The following RGS7 variants were observed in gnomAD, a reference collection of about 807,000 sequenced individuals.
RGS7 encodes the protein regulator of G protein signaling 7, also known as regulator of G-protein signaling 7.
RGS7 carries 27 observed loss-of-function variants against 81.1 expected under a neutral mutation model. The observed-to-expected ratio is 0.33, with a 90% CI of 0.25 to 0.46. RGS7 has a LOEUF of 0.46. RGS7 is among the 20% of genes least tolerant of loss of function. The pLI is 1.00. For synonymous variants in RGS7, 208 were observed against 207.7 expected, an observed-to-expected ratio of 1.00 and a Z score of -0.01; for missense variants, 396 against 607.4, an observed-to-expected ratio of 0.65 and a Z score of 3.66.
chr1:240,993,256 A>G (rs941709963), intron 3 of RGS7, among the ~76,000 whole-genome samples: 8 of 151,744 alleles, frequency 5.3e-5, no homozygotes, highest in Admixed American at 5.2e-4. Flanking sequence ...GAGGAAAGAA[A>G]GAAAGAAAGA....
At chr1:241,342,180 A>G (rs1276231427) in intron 2 of RGS7, among the ~76,000 whole-genome samples, 1 of 151,866 alleles carries the variant, frequency 6.6e-6, no homozygotes, top group Non-Finnish European at 1.5e-5. Context: ...GGTCTCTGGT[A>G]CTCTTCAAGT....
chr1:240,905,604 A>G (rs1396220293), intron 6 of RGS7, among the ~76,000 whole-genome samples: 1 of 152,202 alleles, frequency 6.6e-6, no homozygotes, highest in Non-Finnish European at 1.5e-5. Flanking sequence ...TGATTCCAAA[A>G]CTTATATTCT....
chr1:240,933,909 T>C (rs901054014), intron 5 of RGS7, among the ~76,000 whole-genome samples: 7 of 152,052 alleles, frequency 4.6e-5, no homozygotes, highest in African/African-American at 1.7e-4. Flanking sequence ...GTCATGCCAA[T>C]GAAATAAAGA....
intron 3 of RGS7, among the ~76,000 whole-genome samples, chr1:241,059,108 T>C (rs1431978948): frequency 6.6e-6 from 1 of 152,348 alleles, no homozygotes; most frequent in East Asian, 1.9e-4. Context: ...AACACAGTGC[T>C]GCTGACTTCT....
At chr1:241,133,190 A>T (rs1001340548) in intron 2 of RGS7, among the ~76,000 whole-genome samples, 1 of 152,226 alleles carries the variant, frequency 6.6e-6, no homozygotes, top group East Asian at 1.9e-4. Flanking sequence ...ATTTATAAAG[A>T]ATAGAAAATG....
At chr1:240,809,331 C>T (rs921668298) in intron 14 of RGS7, among the ~76,000 whole-genome samples, 3 of 152,146 alleles carry the variant, frequency 2.0e-5, no homozygotes, top group Non-Finnish European at 4.4e-5. Context: ...AAAAAATGCT[C>T]AGACGAGTGA....
chr1:241,239,790 C>A (rs1204553431), intron 2 of RGS7, among the ~76,000 whole-genome samples: 1 of 152,146 alleles, frequency 6.6e-6, no homozygotes, highest in Admixed American at 6.5e-5. Flanking sequence ...GGAGAATGGA[C>A]CAGCAATCTG....
chr1:241,109,783 C>A (rs376566265), intron 2 of RGS7, among the ~76,000 whole-genome samples: 26 of 151,964 alleles, frequency 1.7e-4, no homozygotes, highest in African/African-American at 6.0e-4. Context: ...CATGGTGAAA[C>A]CGTCTCTCTA....
intron 2 of RGS7, among the ~76,000 whole-genome samples, chr1:241,348,757 C>G (rs2083058278): frequency 6.6e-6 from 1 of 152,138 alleles, no homozygotes; most frequent in Non-Finnish European, 1.5e-5. Flanking sequence ...AAGACTTTCC[C>G]ATTAATGAGT....
At chr1:241,123,438 C>G (rs2066427722) in intron 2 of RGS7, among the ~76,000 whole-genome samples, 1 of 152,144 alleles carries the variant, frequency 6.6e-6, no homozygotes, top group Non-Finnish European at 1.5e-5. Flanking sequence ...TACAATCACT[C>G]AAAGGCTCAG....
intron 2 of RGS7, among the ~76,000 whole-genome samples, chr1:241,168,508 G>C (rs1371006420): frequency 6.6e-6 from 1 of 152,126 alleles, no homozygotes; most frequent in Non-Finnish European, 1.5e-5. Context: ...CTCCCCTCGA[G>C]TGTGTGCTGG....
At chr1:240,975,400 TAAAC>T (rs143065066) in intron 4 of RGS7, among the ~76,000 whole-genome samples, 39 of 150,786 alleles carry the variant, frequency 2.6e-4, no homozygotes, top group East Asian at 2.4e-3. Flanking sequence ...AGACTTCGTC[TAAAC>T]AAACAAACAA....
At chr1:241,277,788 C>G (rs990799078) in intron 2 of RGS7, among the ~76,000 whole-genome samples, 1 of 152,146 alleles carries the variant, frequency 6.6e-6, no homozygotes, top group Non-Finnish European at 1.5e-5. Flanking sequence ...AAGAAAGATG[C>G]ATTTGTTTAG....
chr1:241,328,495 G>A (rs887215834), intron 2 of RGS7, among the ~76,000 whole-genome samples: 6 of 152,162 alleles, frequency 3.9e-5, no homozygotes, highest in African/African-American at 1.4e-4. Context: ...TGGAAATCAA[G>A]TCTTTGTGCC....
intron 4 of RGS7, among the ~76,000 whole-genome samples, chr1:240,958,639 A>C (rs1680834963): frequency 1.3e-5 from 2 of 152,162 alleles, no homozygotes; most frequent in Non-Finnish European, 2.9e-5. Context: ...CCCTGCCTTT[A>C]CATTATGTAT....
At chr1:241,174,684 G>A (rs1333068210) in intron 2 of RGS7, among the ~76,000 whole-genome samples, 2 of 151,986 alleles carry the variant, frequency 1.3e-5, no homozygotes, top group Non-Finnish European at 2.9e-5. Flanking sequence ...CCCAACACTG[G>A]GCTATTTGCA....
At chr1:240,941,161 C>A (rs1677515414) in intron 4 of RGS7, among the ~76,000 whole-genome samples, 1 of 152,144 alleles carries the variant, frequency 6.6e-6, no homozygotes, top group African/African-American at 2.4e-5. Flanking sequence ...ACAGGTAAGA[C>A]CTAGATTTAA....
At chr1:241,095,740 T>C (rs1365246330) in intron 3 of RGS7, among the ~76,000 whole-genome samples, 1 of 152,232 alleles carries the variant, frequency 6.6e-6, no homozygotes, top group African/African-American at 2.4e-5. Flanking sequence ...GTAATTAACA[T>C]ATCCATTATC....
chr1:240,982,614 T>A (rs376718797), intron 4 of RGS7, among the ~76,000 whole-genome samples: 116 of 151,352 alleles, frequency 7.7e-4, no homozygotes, highest in African/African-American at 2.5e-3. Flanking sequence ...TCTCTCTCTC[T>A]CACACACACA....
Sources: allele counts gnomAD v4.1 joint callset (sites outside exome capture counted in the v4.1 genomes callset), GRCh38; gene constraint gnomAD v4.1.1; transcripts MANE v1.5; gene names NCBI Gene and HGNC (gene_info 2026-07-23, HGNC 2026-07-21).